Variants in C16orf96 observed in about 807,000 individuals in gnomAD.
C16orf96 encodes the protein chromosome 16 open reading frame 96.
C16orf96 carries 108 observed loss-of-function variants against 103.6 expected under a neutral mutation model. The ratio of observed to expected loss-of-function variants is 1.04; its 90% confidence interval spans 0.89 to 1.22. The LOEUF (loss-of-function observed/expected upper bound fraction) is 1.22, where lower values mean the gene tolerates loss of function less well. C16orf96 is among the 50% of genes most tolerant of loss of function. The probability of loss-of-function intolerance (pLI) is 0.00; values close to 1 mark genes in which losing one functional copy is unlikely to be tolerated. For synonymous variants in C16orf96, 566 were observed against 593.5 expected (o/e 0.95, Z 0.67); for missense variants, 1,586 against 1,464.2 (o/e 1.08, Z -1.36).
chr16:4,580,055 T>C lies in C16orf96; in HGVS notation c.2282T>C (p.Met761Thr), dbSNP rs1412849384. ...LERIWGNQIE[M>T]MKDRYITLDK... ...AGAATTTGGGGCAACCAAATAGAGATGATGAAGGATCGCTACATCACTTTG... is the reference window on the plus strand; with the variant it reads ...AGAATTTGGGGCAACCAAATAGAGACGATGAAGGATCGCTACATCACTTTG... Residue 761 changes from methionine (M) to threonine (T), a missense_variant, in exon 7 of 16, where the codon ATG becomes ACG. Physicochemically the swap from Met to Thr is moderately conservative, Grantham distance 81 (BLOSUM62 -1). Transcript: ENST00000444310. The C allele has an allele frequency of 1.3e-6, 2 of 1,550,888 alleles. No individual in the cohort carries two copies. Among genetic ancestry groups the C allele is most frequent in the East Asian group, 2.4e-5 (1 of 40,824 alleles).
At chr16:4,592,052 C>T (rs1364532068) in intron 10 of C16orf96, among the ~76,000 whole-genome samples, 2 of 152,210 alleles carry the variant, frequency 1.3e-5, no homozygotes, top group East Asian at 1.9e-4. Flanking sequence ...CCAGACAGTG[C>T]CCCAGGCAGA....
chr16:4,556,825 G>C lies in C16orf96; in HGVS notation c.336G>C (p.Gln112His). 6.4e-7 allele frequency: 1 copy of C among 1,551,660 alleles called. No homozygotes were observed. Among genetic ancestry groups the C allele is most frequent in the East Asian group, 2.4e-5 (1 of 40,924 alleles). ...CTGCCCAGCTGCTGGAAGCCAGCCA[G>C]GGCACTGCCCGGCCCGTCCAGGACC... ...PSTAQLLEAS[Q>H]GTARPVQDLW... The change falls in exon 1 of 16, where the codon CAG becomes CAC. Residue 112 changes from glutamine to histidine, a missense_variant. By Grantham distance (24) the Gln-to-His change is conservative. Transcript: ENST00000444310.
chr16:4,594,875 C>T, intron 14 of C16orf96, 72 bp downstream of exon 14: 2 of 1,461,958 alleles, frequency 1.4e-6, no homozygotes, highest in Non-Finnish European at 1.9e-6. Flanking sequence ...TGAGAGGGTG[C>T]AGGTGGGGCC....
chr16:4,569,658 G>C (rs1206365433), intron 1 of C16orf96, among the ~76,000 whole-genome samples: 1 of 151,114 alleles, frequency 6.6e-6, no homozygotes, highest in Non-Finnish European at 1.5e-5. Flanking sequence ...CTTGAACCCG[G>C]GAGGTGAAGG....
chr16:4,551,230 A>C, the C16orf96 span, among the ~76,000 whole-genome samples: 795 of 152,344 alleles, frequency 5.2e-3, 7 homozygotes, highest in Non-Finnish European at 6.8e-3. Flanking sequence ...CGATCGCACC[A>C]CTGCACTCCA....
intron 7 of C16orf96, 91 bp downstream of exon 7, chr16:4,580,216 G>T: frequency 1.0e-6 from 1 of 991,732 alleles, no homozygotes; most frequent in Non-Finnish European, 1.4e-6. Context: ...TCTGCATGAG[G>T]TGGGGATGCA....
chr16:4,550,325 T>G, the C16orf96 span, among the ~76,000 whole-genome samples: 1 of 152,130 alleles, frequency 6.6e-6, no homozygotes, highest in African/African-American at 2.4e-5. Flanking sequence ...CCTCACGTGA[T>G]CCGCCCATCT....
intron 7 of C16orf96, among the ~76,000 whole-genome samples, chr16:4,581,257 C>A (rs1298638735): frequency 6.8e-6 from 1 of 147,422 alleles, no homozygotes; most frequent in Non-Finnish European, 1.5e-5. Context: ...ATCGCTTGAA[C>A]CCGGGAGGTG....
At chr16:4,580,310 A>ACCCCCCCCCCCC (rs150403662) in intron 7 of C16orf96, among the ~76,000 whole-genome samples, 185 bp downstream of exon 7, 20 of 104,490 alleles carry the variant, frequency 1.9e-4, no homozygotes, top group South Asian at 3.9e-4. Context: ...GAATCCCACC[A>ACCCCCCCCCCCC]CCCCCCCCCA....
intron 9 of C16orf96, among the ~76,000 whole-genome samples, chr16:4,590,483 C>T (rs374990957): frequency 2.2e-4 from 34 of 151,646 alleles, no homozygotes; most frequent in East Asian, 1.2e-3. Context: ...CGCTTGAACC[C>T]GGGAGGTGGA....
rs1897112489 is a variant in C16orf96 at position 4,593,813 on chromosome 16, C to T, written c.2867+497C>T. Among the ~76,000 whole-genome samples the T allele has an allele frequency of 6.6e-6, 1 of 152,114 alleles. No individual in the cohort carries two copies. The highest frequency in any genetic ancestry group is 6.5e-5 in the Admixed American group (1 of 15,280). On this transcript the variant is annotated intron_variant, in intron 12 of 15. Transcript: ENST00000444310. The surrounding 1 kb of genome is among the most constrained non-coding windows in gnomAD (Gnocchi z 4.2). ...ACTGAGGCTCAGAGAACTGCAGTGACCTGCCCAAGGTCACTGCTAGCAAGT... is the reference window on the plus strand; with the variant it reads ...ACTGAGGCTCAGAGAACTGCAGTGATCTGCCCAAGGTCACTGCTAGCAAGT...
rs1897123523 is a variant in C16orf96 at position 4,594,350 on chromosome 16, G to A, written c.2868-1G>A. The A allele has an allele frequency of 5.2e-6, 8 of 1,550,830 alleles. No homozygotes were observed. The highest frequency in any genetic ancestry group is 7.0e-6 in the Non-Finnish European group (8 of 1,146,742). The stretch of plus-strand genomic sequence containing the variant: ...GCTGCTGACCCACTGCCCTGCTGCA[G>A]GGAACAGCAGTGGCTGCAGCTCCAG... On this transcript the variant is annotated splice_acceptor_variant, in intron 12 of 15. Transcript: ENST00000444310. LOFTEE classifies it high-confidence loss of function.
In C16orf96 at chr16:4,580,126, G is replaced by T. The variant is rs905780666; in HGVS notation, c.2352+1G>T. ...GCAGATTCGCATGGATGAGTTCAAG[G>T]TTAGGAGGACTGGGTAGGCTGGAGA... On this transcript the variant is annotated splice_donor_variant, in intron 7 of 15. Coordinates refer to ENST00000444310, the MANE Select transcript of C16orf96 (RefSeq NM_001145011.2). LOFTEE classifies it high-confidence loss of function. The T allele has an allele frequency of 5.3e-6, 8 of 1,514,894 alleles. No homozygotes were observed. In the African/African-American group the frequency reaches 5.6e-5, roughly 11 times the overall value. 93.8% of individuals were successfully genotyped at this position (1,514,894 alleles called of 1,614,324 possible).
rs917046890 is a variant in C16orf96 at position 4,586,257 on chromosome 16, A to AAAAAC, written c.2353-765_2353-761dup. On this transcript the variant is annotated intron_variant, in intron 7 of 15. Coordinates refer to ENST00000444310, the MANE Select transcript of C16orf96 (RefSeq NM_001145011.2). ...CCTGGGCGACAGAGCAGATTCTGTA[A>AAAAAC]AAAACAAAACAAAACAAAACATGTT... Among the ~76,000 whole-genome samples, 15 of 152,302 alleles carry AAAAAC rather than the reference A, an allele frequency of 9.8e-5. 1 individual carries two copies. The South Asian group carries it at 1.0e-3, about 11-fold the overall frequency.
intron 14 of C16orf96, among the ~76,000 whole-genome samples, chr16:4,596,572 C>G (rs535237368): frequency 6.6e-6 from 1 of 151,780 alleles, no homozygotes; most frequent in African/African-American, 2.4e-5. Context: ...GTCCCAGCTT[C>G]TCAGGAGGCT....
At chr16:4,547,649 T>C in the C16orf96 span, among the ~76,000 whole-genome samples, 273 of 119,102 alleles carry the variant, frequency 2.3e-3, 3 homozygotes, top group African/African-American at 7.7e-3. Context: ...TCTTTCTTTC[T>C]TTCCTTCCTT....
At chr16:4,599,507 C>G (rs1247405890) in intron 15 of C16orf96, 143 bp downstream of exon 15, 1 of 738,954 alleles carries the variant, frequency 1.4e-6, no homozygotes, top group Non-Finnish European at 2.3e-6. Context: ...CTGCCTATGG[C>G]ACTTCAGAGA....
In C16orf96 at chr16:4,591,795, G is replaced by A. The variant is rs766055762; in HGVS notation, c.2711+11G>A. The A allele has an allele frequency of 2.0e-5, 30 of 1,493,060 alleles. No individual in the cohort carries two copies. Among genetic ancestry groups the A allele is most frequent in the Admixed American group, 1.2e-4 (5 of 42,884 alleles). The allele number at this position is 1,493,060 out of a possible 1,614,324, so 92.5% of individuals were successfully genotyped here. ...TGCTGGCTTTAGGAGGTGAGTGCCC[G>A]CCCGAGCCCCTCCTGGTAGGGGTCC... On this transcript the variant is annotated intron_variant, in intron 10 of 15. Coordinates refer to ENST00000444310, the MANE Select transcript of C16orf96 (RefSeq NM_001145011.2).
intron 5 of C16orf96, 89 bp downstream of exon 5, chr16:4,576,724 C>T (rs1475874019): frequency 1.6e-6 from 2 of 1,280,132 alleles, no homozygotes; most frequent in African/African-American, 3.0e-5. Flanking sequence ...TCACTGGGCT[C>T]CACCAACAAA....
Sources: allele counts gnomAD v4.1 joint callset (sites outside exome capture counted in the v4.1 genomes callset), GRCh38; gene constraint gnomAD v4.1.1; non-coding constraint Gnocchi (gnomAD v3.1); transcripts MANE v1.5; gene names NCBI Gene and HGNC (gene_info 2026-07-23, HGNC 2026-07-21).